ULK4: variants seen among roughly 807,000 people sequenced by gnomAD.
The protein encoded by ULK4 is unc-51 like kinase 4.
A neutral mutation model predicts 160.6 loss-of-function variants in ULK4; 133 were observed. That is an observed-to-expected ratio of 0.83 (90% CI 0.72 to 0.96). The LOEUF is 0.96. Among genes scored for constraint, ULK4 ranks in the 40% least tolerant of loss-of-function variants. The probability of loss-of-function intolerance (pLI) is 0.00; values close to 1 mark genes in which losing one functional copy is unlikely to be tolerated. For missense variants in ULK4, 1,580 were observed against 1,499.5 expected (o/e 1.05, Z -0.89); for synonymous variants, 534 against 539.8 (o/e 0.99, Z 0.15).
intron 35 of ULK4, among the ~76,000 whole-genome samples, chr3:41,305,090 G>C (rs1162678623): frequency 6.6e-6 from 1 of 152,208 alleles, no homozygotes; most frequent in African/African-American, 2.4e-5. Flanking sequence ...GGAGAGAAAA[G>C]AGATGTGAAT....
intron 32 of ULK4, among the ~76,000 whole-genome samples, chr3:41,524,754 A>G (rs1276091793): frequency 6.6e-6 from 1 of 152,114 alleles, no homozygotes; most frequent in African/African-American, 2.4e-5. Context: ...CCTGGCCAAC[A>G]TGGTGAAATC....
intron 12 of ULK4, among the ~76,000 whole-genome samples, chr3:41,906,385 C>T (rs867270808): frequency 1.5e-4 from 23 of 152,028 alleles, no homozygotes; most frequent in South Asian, 8.3e-4. Context: ...TAAACTTAGC[C>T]GGGTGTGGTG....
At position 41,800,131 on chromosome 3, in the gene ULK4, C is replaced by T. The variant is rs367996693; in HGVS notation, c.2010+1G>A. 9 of 1,591,164 alleles carry T rather than the reference C, an allele frequency of 5.7e-6. No homozygotes were observed. Among genetic ancestry groups the T allele is most frequent in the African/African-American group, 1.4e-5 (1 of 73,912 alleles). ...ATCCCCCAAAAGATGCTTCATCTTA[C>T]CGATACTGCTGTTATCCTAAGAGAA... On this transcript the variant is annotated splice_donor_variant, in intron 20 of 36. Coordinates refer to ENST00000301831, the MANE Select transcript of ULK4 (RefSeq NM_017886.4). LOFTEE classifies it high-confidence loss of function.
At chr3:41,402,952 A>C (rs1170378061) in intron 34 of ULK4, among the ~76,000 whole-genome samples, 2 of 152,148 alleles carry the variant, frequency 1.3e-5, no homozygotes, top group Non-Finnish European at 2.9e-5. Flanking sequence ...GGAGTTCAAG[A>C]GCAGCCTGAC....
chr3:41,773,796 G>T (rs1251994636), intron 21 of ULK4, among the ~76,000 whole-genome samples: 1 of 152,154 alleles, frequency 6.6e-6, no homozygotes, highest in African/African-American at 2.4e-5. Context: ...AAAGCTGGAG[G>T]CATCACGCTA....
intron 12 of ULK4, 52 bp downstream of exon 12, chr3:41,907,793 C>T (rs1698624124): frequency 8.4e-7 from 1 of 1,184,316 alleles, no homozygotes; most frequent in East Asian, 2.7e-5. Context: ...TACAATTATT[C>T]TTGTGAGCTT....
intron 29 of ULK4, among the ~76,000 whole-genome samples, chr3:41,670,677 A>C (rs777063552): frequency 1.3e-5 from 2 of 152,078 alleles, no homozygotes; most frequent in Non-Finnish European, 2.9e-5. Flanking sequence ...CTTCAAAATA[A>C]GTGTTAAATA....
rs549839721 is a variant in ULK4 at position 41,599,961 on chromosome 3, A to G, written c.3120+15708T>C. 3.3e-5 allele frequency among the ~76,000 whole-genome samples: 5 copies of G among 152,340 alleles called. No homozygotes were observed. The South Asian group carries it at 1.0e-3, about 32-fold the overall frequency. On this transcript the variant is annotated intron_variant, in intron 31 of 36. Transcript: ENST00000301831. ...TACTGAATATTGCTTAATATCTACA[A>G]AAACAAGCATTATCCACTAACATTG...
intron 13 of ULK4, among the ~76,000 whole-genome samples, 200 bp downstream of exon 13, chr3:41,900,525 G>C (rs761888443): frequency 3.3e-5 from 5 of 152,178 alleles, no homozygotes; most frequent in Admixed American, 3.3e-4. Flanking sequence ...TAGAACTCCA[G>C]TGAAGTGGAA....
intron 35 of ULK4, among the ~76,000 whole-genome samples, chr3:41,373,383 G>T (rs376767402): frequency 6.6e-5 from 10 of 152,074 alleles, no homozygotes; most frequent in African/African-American, 2.4e-4. Context: ...CCACATAATT[G>T]GAAGTAAACA....
At chr3:41,733,064 G>A (rs913489765) in intron 22 of ULK4, among the ~76,000 whole-genome samples, 3 of 152,122 alleles carry the variant, frequency 2.0e-5, no homozygotes, top group African/African-American at 4.8e-5. Context: ...TTACAATATT[G>A]TATTATATAT....
intron 18 of ULK4, among the ~76,000 whole-genome samples, chr3:41,825,891 G>T (rs980950256): frequency 6.6e-6 from 1 of 152,186 alleles, no homozygotes; most frequent in African/African-American, 2.4e-5. Flanking sequence ...AGAACAAAAT[G>T]TTAAGGGCAG....
chr3:41,712,461 T>C (rs897931079), intron 25 of ULK4, among the ~76,000 whole-genome samples: 1 of 152,224 alleles, frequency 6.6e-6, no homozygotes, highest in Non-Finnish European at 1.5e-5. Context: ...TGGACTAAGC[T>C]TGAATATCCC....
intron 21 of ULK4, among the ~76,000 whole-genome samples, chr3:41,757,188 T>C (rs1232054370): frequency 6.6e-6 from 1 of 152,166 alleles, no homozygotes; most frequent in African/African-American, 2.4e-5. Context: ...CTCTGATCTC[T>C]TCCATGTGGA....
intron 22 of ULK4, among the ~76,000 whole-genome samples, chr3:41,751,531 G>C (rs2038627544): frequency 6.6e-6 from 1 of 152,190 alleles, no homozygotes; most frequent in Admixed American, 6.5e-5. Flanking sequence ...CAGAGACTGA[G>C]AAGAGTGGAG....
chr3:41,575,844 A>G (rs773572655), intron 31 of ULK4, among the ~76,000 whole-genome samples: 1 of 128,776 alleles, frequency 7.8e-6, no homozygotes, highest in South Asian at 2.7e-4. Context: ...CTTTCATGTT[A>G]TTTAGGCTTT....
intron 29 of ULK4, among the ~76,000 whole-genome samples, chr3:41,674,472 T>C (rs952039305): frequency 6.6e-6 from 1 of 152,212 alleles, no homozygotes; most frequent in Non-Finnish European, 1.5e-5. Flanking sequence ...TCTGAGTATA[T>C]GTGGTATCTT....
intron 32 of ULK4, among the ~76,000 whole-genome samples, chr3:41,525,410 C>G (rs1164430237): frequency 1.3e-5 from 2 of 152,210 alleles, no homozygotes; most frequent in African/African-American, 4.8e-5. Flanking sequence ...GATCGGCTCC[C>G]CATCCAACAG....
rs1165381982 is a variant in ULK4, at chr3:41,420,475, C to CTTTTTTTTTTTTTTTTTT, written c.3493-22229_3493-22212dup. On this transcript the variant is annotated intron_variant, in intron 34 of 36. Transcript: ENST00000301831. ...GGATTTTTCAGTTTTCCAGTTCTTT[C>CTTTTTTTTTTTTTTTTTT]TTTTTTTTTTTTTTTTTTTTTTTTT... 3.7e-3 allele frequency among the ~76,000 whole-genome samples: 153 copies of CTTTTTTTTTTTTTTTTTT among 41,184 alleles called. 22 individuals carry two copies. The highest frequency in any genetic ancestry group is 4.8e-3 in the African/African-American group (48 of 10,050). 27.0% of individuals were successfully genotyped at this position (41,184 alleles called of 152,430 possible).
Sources: gnomAD v4.1 joint callset for allele counts (sites outside exome capture counted in the v4.1 genomes callset) on GRCh38, gnomAD v4.1.1 for gene constraint, MANE v1.5 for transcripts, NCBI Gene and HGNC (gene_info 2026-07-23, HGNC 2026-07-21) for gene names.